RASA2: variants seen among roughly 807,000 people sequenced by gnomAD.
RASA2 encodes ras GTPase-activating protein 2.
Under a neutral mutation model 118.2 loss-of-function variants are expected in RASA2, and 155 were observed. The observed-to-expected ratio is 1.31, with a 90% CI of 1.15 to 1.50. The LOEUF (loss-of-function observed/expected upper bound fraction) is 1.50, where lower values mean the gene tolerates loss of function less well. Among genes scored for constraint, RASA2 ranks in the 40% most tolerant of loss-of-function variants. The probability of loss-of-function intolerance (pLI) is 0.00; values close to 1 mark genes in which losing one functional copy is unlikely to be tolerated. For synonymous variants in RASA2, 353 were observed against 349.1 expected, an observed-to-expected ratio of 1.01 and a Z score of -0.12; for missense variants, 1,016 against 1,009.6, an observed-to-expected ratio of 1.01 and a Z score of -0.09.
chr3:141,608,407 T>G (rs1246836683), intron 20 of RASA2, 82 bp from the exon 21 acceptor site: 10 of 1,326,500 alleles, frequency 7.5e-6, no homozygotes, highest in Non-Finnish European at 8.6e-6. Context: ...CTAGATTCCT[T>G]TAGGTACTTT....
chr3:141,502,078 G>C (rs1445186763), intron 1 of RASA2, among the ~76,000 whole-genome samples: 1 of 152,148 alleles, frequency 6.6e-6, no homozygotes, highest in African/African-American at 2.4e-5. Flanking sequence ...CAGATTTTCA[G>C]ATTTGGGATG....
chr3:141,538,757 C>G (rs1267739925), intron 4 of RASA2, among the ~76,000 whole-genome samples: 1 of 151,908 alleles, frequency 6.6e-6, no homozygotes, highest in Non-Finnish European at 1.5e-5. Flanking sequence ...TGATTAATAC[C>G]TAAGGAATGT....
At chr3:141,513,023 A>C (rs1244581248) in intron 2 of RASA2, among the ~76,000 whole-genome samples, 1 of 150,728 alleles carries the variant, frequency 6.6e-6, no homozygotes, top group Non-Finnish European at 1.5e-5. Context: ...AGATTATGCC[A>C]TTGGACTCTA....
At chr3:141,592,391 G>A (rs1248857168) in intron 19 of RASA2, among the ~76,000 whole-genome samples, 2 of 152,098 alleles carry the variant, frequency 1.3e-5, no homozygotes, top group Admixed American at 1.3e-4. Context: ...TTGAAGAAGA[G>A]GGTAAGTCAT....
intron 4 of RASA2, among the ~76,000 whole-genome samples, chr3:141,530,197 C>T (rs1320860321): frequency 6.6e-6 from 1 of 152,118 alleles, no homozygotes; most frequent in Admixed American, 6.6e-5. Context: ...CTCTAGTAAA[C>T]TGGACTTGGG....
intron 1 of RASA2, among the ~76,000 whole-genome samples, chr3:141,489,118 T>A (rs1409193102): frequency 1.3e-5 from 2 of 152,258 alleles, no homozygotes. Context: ...CTGCTGGGAA[T>A]GATATTACTG....
chr3:141,548,894 T>A (rs974517990), intron 5 of RASA2, among the ~76,000 whole-genome samples: 8 of 152,226 alleles, frequency 5.3e-5, no homozygotes, highest in Non-Finnish European at 1.0e-4. Context: ...TCATCATTCT[T>A]ATTTATCTGG....
chr3:141,580,440 T>G lies in RASA2; in HGVS notation c.1663T>G (p.Ser555Ala). The G allele has an allele frequency of 6.2e-7, 1 of 1,600,770 alleles. No individual in the cohort carries two copies. Among genetic ancestry groups the G allele is most frequent in the Non-Finnish European group, 8.6e-7 (1 of 1,169,190 alleles). Residue 555 changes from serine to alanine, a missense_variant, in exon 16 of 24, where the codon TCC (serine) becomes GCC (alanine). Transcript: ENST00000286364. The stretch of plus-strand genomic sequence containing the variant: ...AACTTTGGGAAGCTGGGGGAGTCTG[T>G]CCAAAAGCAAGGTAAGTCCTTACAT... Reference protein sequence around the residue: ...IQTLGSWGSLSKSKSSFKETF... With the variant: ...IQTLGSWGSLAKSKSSFKETF...
Position 141,573,934 on chromosome 3 carries a change from A to G in RASA2, c.1360-10A>G, listed in dbSNP as rs766021242. 6.4e-7 allele frequency: 1 copy of G among 1,565,154 alleles called. No individual in the cohort carries two copies. Among genetic ancestry groups the G allele is most frequent in the Non-Finnish European group, 8.7e-7 (1 of 1,154,988 alleles). On this transcript the variant is annotated splice_polypyrimidine_tract_variant and intron_variant, in intron 13 of 23. Coordinates refer to ENST00000286364, the MANE Select transcript of RASA2 (RefSeq NM_006506.5). ...CAAAATCTTAATGTTTACCTTTTTA[A>G]ATCCTGCAGGAGAATCTGCGCTACT...
At chr3:141,609,137 A>G (rs909692014) in intron 21 of RASA2, among the ~76,000 whole-genome samples, 1 of 152,234 alleles carries the variant, frequency 6.6e-6, no homozygotes, top group Non-Finnish European at 1.5e-5. Context: ...TGGAACAACC[A>G]TTGTATTTCT....
intron 5 of RASA2, among the ~76,000 whole-genome samples, chr3:141,548,736 C>T (rs1412313854): frequency 6.6e-6 from 1 of 152,148 alleles, no homozygotes; most frequent in East Asian, 1.9e-4. Context: ...AGAAAGTCCC[C>T]ACTACAACAT....
intron 14 of RASA2, among the ~76,000 whole-genome samples, chr3:141,575,086 A>G (rs996442256): frequency 1.1e-4 from 17 of 152,328 alleles, no homozygotes; most frequent in Middle Eastern, 3.4e-3. Flanking sequence ...AGATCTGTCT[A>G]TAATGGGAGG....
In RASA2 at chr3:141,543,882, T is replaced by C. The variant is rs1158974767; in HGVS notation, c.527+3273T>C. ...CTTTCTTTCTTTCTTTTTTCTTTTTTTTTTTTTTTTTGATATGGAGTCTAG... is the reference window on the plus strand; with the variant it reads ...CTTTCTTTCTTTCTTTTTTCTTTTTCTTTTTTTTTTTGATATGGAGTCTAG... On this transcript the variant is annotated intron_variant, in intron 5 of 23. Transcript: ENST00000286364. Among the ~76,000 whole-genome samples, 4 of 131,846 alleles carry C rather than the reference T, an allele frequency of 3.0e-5. No homozygotes were observed. The East Asian group carries it at 5.9e-4, about 19-fold the overall frequency. 86.5% of individuals were successfully genotyped at this position (131,846 alleles called of 152,430 possible). A position where few individuals can be genotyped will look rare whatever the true frequency, so the allele number is the denominator to read the frequency against.
intron 5 of RASA2, among the ~76,000 whole-genome samples, chr3:141,548,668 G>A (rs2151109474): frequency 6.6e-6 from 1 of 152,126 alleles, no homozygotes; most frequent in African/African-American, 2.4e-5. Flanking sequence ...CTTTGGTTTT[G>A]GGGGAGTAAT....
chr3:141,531,978 C>CAT (rs1345824915), intron 4 of RASA2, among the ~76,000 whole-genome samples: 1 of 151,922 alleles, frequency 6.6e-6, no homozygotes, highest in Non-Finnish European at 1.5e-5. Flanking sequence ...TACCATGAAA[C>CAT]ATAAGAGCAA....
At chr3:141,508,053 A>G (rs1400527359) in intron 1 of RASA2, among the ~76,000 whole-genome samples, 1 of 152,196 alleles carries the variant, frequency 6.6e-6, no homozygotes, top group Non-Finnish European at 1.5e-5. Flanking sequence ...AAGTTTATAA[A>G]TAATACCGTC....
At chr3:141,562,286 T>C (rs577586487) in intron 9 of RASA2, among the ~76,000 whole-genome samples, 42 of 149,988 alleles carry the variant, frequency 2.8e-4, no homozygotes, top group African/African-American at 1.0e-3. Context: ...AATATTTGAA[T>C]TTAGAAAATA....
At chr3:141,577,675 A>G (rs2083035642) in intron 15 of RASA2, among the ~76,000 whole-genome samples, 1 of 152,214 alleles carries the variant, frequency 6.6e-6, no homozygotes, top group African/African-American at 2.4e-5. Context: ...ATAAGCATTA[A>G]CAGTAAAAAC....
chr3:141,564,288 A>C (rs564532235), intron 9 of RASA2, among the ~76,000 whole-genome samples: 31 of 151,950 alleles, frequency 2.0e-4, no homozygotes, highest in African/African-American at 4.6e-4. Context: ...TCTGAGCAAA[A>C]TTTCTGTAGT....
Sources: gnomAD v4.1 joint callset for allele counts (sites outside exome capture counted in the v4.1 genomes callset) on GRCh38, gnomAD v4.1.1 for gene constraint, MANE v1.5 for transcripts, NCBI Gene and HGNC (gene_info 2026-07-23, HGNC 2026-07-21) for gene names.